The following ZNF592 variants were observed in gnomAD, a reference collection of about 807,000 sequenced individuals.
ZNF592 encodes spinocerebellar ataxia, autosomal recessive 5.
ZNF592 carries 11 observed loss-of-function variants against 80.3 expected under a neutral mutation model. The observed-to-expected ratio is 0.14, with a 90% confidence interval of 0.09 to 0.23. The LOEUF is 0.23. Among genes scored for constraint, ZNF592 ranks in the 10% least tolerant of loss-of-function variants. The probability of loss-of-function intolerance (pLI) is 1.00; values close to 1 mark genes in which losing one functional copy is unlikely to be tolerated. For synonymous variants in ZNF592, 646 were observed against 640.3 expected, an observed-to-expected ratio of 1.01 and a Z score of -0.13; for missense variants, 1,420 against 1,633.9, an observed-to-expected ratio of 0.87 and a Z score of 2.26.
At chr15:84,754,807 A>G (rs1899119198) in intron 1 of ZNF592, among the ~76,000 whole-genome samples, 2 of 152,064 alleles carry the variant, frequency 1.3e-5, no homozygotes, top group African/African-American at 4.8e-5. Context: ...GATAGATTGT[A>G]GAACGACTGC....
chr15:84,798,024 C>T lies in ZNF592; in HGVS notation c.2555C>T (p.Thr852Ile). Reference protein sequence around the residue: ...TADHSATQHPTQPHRPSQLIY... With the variant: ...TADHSATQHPIQPHRPSQLIY... The stretch of plus-strand genomic sequence containing the variant: ...GACCACAGTGCCACCCAGCACCCCA[C>T]CCAGCCCCACAGACCCTCCCAGTGA... The change falls in exon 6 of 11, where the codon ACC becomes ATC. Residue 852 changes from threonine (T) to isoleucine (I), a missense_variant. Thr to Ile is a moderately conservative substitution (Grantham distance 89). Around this residue, in one of 7 missense-constraint regions of ZNF592, gnomAD observed 331 missense variants for 347.0 expected, o/e 0.95. Coordinates refer to ENST00000560079, the MANE Select transcript of ZNF592 (RefSeq NM_014630.3). The surrounding 1 kb of genome is among the most constrained non-coding windows in gnomAD (Gnocchi z 4.5). 5 of 1,614,022 alleles carry T rather than the reference C, an allele frequency of 3.1e-6. No individual in the cohort carries two copies. The highest frequency in any genetic ancestry group is 4.2e-6 in the Non-Finnish European group (5 of 1,180,036).
At chr15:84,785,122 G>A (rs933777383) in intron 4 of ZNF592, among the ~76,000 whole-genome samples, 6 of 152,154 alleles carry the variant, frequency 3.9e-5, no homozygotes, top group Non-Finnish European at 7.3e-5. Context: ...GACGTGTCCC[G>A]TGTTCCACTC....
chr15:84,773,756 G>A (rs1962161562), intron 2 of ZNF592, among the ~76,000 whole-genome samples: 2 of 151,222 alleles, frequency 1.3e-5, no homozygotes, highest in South Asian at 4.2e-4. Context: ...AAAAAAAATA[G>A]AGCTCTAATT....
At position 84,783,007 on chromosome 15, in the gene ZNF592, A is replaced by G; in HGVS notation, c.332A>G (p.Asp111Gly). The change falls in exon 4 of 11, where the codon GAT (aspartate) becomes GGT (glycine). Residue 111 changes from aspartate (D) to glycine (G), a missense_variant. By Grantham distance (94) the Asp-to-Gly change is moderately conservative (BLOSUM62 -1). Coordinates refer to ENST00000560079, the MANE Select transcript of ZNF592 (RefSeq NM_014630.3). This position sits in a 1 kb window ranked among gnomAD's most constrained non-coding sequence, Gnocchi z 5.0. ...GATCCCCACAACTGTGGGAAATTTG[A>G]TTCTACTTTTATGAATGGAGACAGT... is the stretch of plus-strand genomic sequence containing the variant. The part of the protein sequence containing the change: ...PPDPHNCGKF[D>G]STFMNGDSAR... The G allele has an allele frequency of 6.2e-7, 1 of 1,614,062 alleles. No homozygotes were observed. The highest frequency in any genetic ancestry group is 8.5e-7 in the Non-Finnish European group (1 of 1,180,010).
At chr15:84,782,562 G>A (rs1962448513) in intron 3 of ZNF592, 95 bp from the exon 4 acceptor site, 2 of 1,163,626 alleles carry the variant, frequency 1.7e-6, no homozygotes, top group South Asian at 2.5e-5. Context: ...GCATGGGTGT[G>A]CTGGCTGTGT....
intron 3 of ZNF592, among the ~76,000 whole-genome samples, chr15:84,779,135 A>T (rs1962350701): frequency 6.6e-6 from 1 of 152,220 alleles, no homozygotes; most frequent in Admixed American, 6.5e-5. Flanking sequence ...AGGGCTTTTT[A>T]TGTTTTAATT....
At position 84,762,854 on chromosome 15, in the gene ZNF592, T is replaced by G. The variant is rs775468064; in HGVS notation, c.-258-1853T>G. ...TGCTTGTAGAGTAAGTGGTTTAAAT[T>G]TAATGGTTTTCTAGAATCTCTTTGG... On this transcript the variant is annotated intron_variant, in intron 1 of 10. Transcript: ENST00000560079. Among the ~76,000 whole-genome samples, 6 of 152,176 alleles carry G rather than the reference T, an allele frequency of 3.9e-5. No individual in the cohort carries two copies. In the East Asian group the frequency reaches 1.2e-3, roughly 29 times the overall value.
rs1379823172 is a variant in ZNF592, at chr15:84,796,240, ATAT to A, written c.2400-1628_2400-1626del. ...CTGTCTCAAAAAAAAAAAAAAAAAA[ATAT>A]ATATATATATATATATATATATTTT... On this transcript the variant is annotated intron_variant, in intron 5 of 10. Transcript: ENST00000560079. Among the ~76,000 whole-genome samples the A allele has an allele frequency of 5.7e-3, 223 of 39,376 alleles. 8 individuals are homozygous for A. The highest frequency in any genetic ancestry group is 0.053 in the East Asian group (53 of 1,000). The allele number at this position is 39,376 out of a possible 152,430, so 25.8% of individuals were successfully genotyped here.
At chr15:84,791,525 G>C (rs972611698) in intron 5 of ZNF592, among the ~76,000 whole-genome samples, 2 of 152,106 alleles carry the variant, frequency 1.3e-5, no homozygotes, top group Non-Finnish European at 2.9e-5. Context: ...TGATCTGTAA[G>C]TTGTTTTCTG....
intron 5 of ZNF592, among the ~76,000 whole-genome samples, chr15:84,796,341 AG>A (rs1286429030): frequency 6.8e-6 from 1 of 146,740 alleles, no homozygotes; most frequent in African/African-American, 2.5e-5. Context: ...TCTTAAATGA[AG>A]GCACGCCTTT....
At chr15:84,749,469 C>G (rs1191196943) in intron 1 of ZNF592, among the ~76,000 whole-genome samples, 1 of 152,176 alleles carries the variant, frequency 6.6e-6, no homozygotes, top group Non-Finnish European at 1.5e-5. Context: ...GGATTTTAAA[C>G]CATTTTTTGA....
At chr15:84,758,137 T>C (rs1899234714) in intron 1 of ZNF592, among the ~76,000 whole-genome samples, 1 of 149,974 alleles carries the variant, frequency 6.7e-6, no homozygotes, top group African/African-American at 2.5e-5. Context: ...CACACCCGGC[T>C]AATTTTTTAT....
rs1003922654 is a variant in ZNF592, at chr15:84,783,755, C to A, written c.1080C>A (p.Gly360=). ...TCTGCAGTGACAGCAGCAGCAAAGG[C>A]TCACCGTCTGTGGCTGCCAGCTCCC... The part of the protein sequence containing the change: ...RSICSDSSSK[G]SPSVAASSPP... The change falls in exon 4 of 11, where the codon GGC becomes GGA. Residue 360 remains glycine, a synonymous_variant. Transcript: ENST00000560079. The surrounding 1 kb of genome is among the most constrained non-coding windows in gnomAD (Gnocchi z 5.0). 6.2e-7 allele frequency: 1 copy of A among 1,614,108 alleles called. No individual in the cohort carries two copies. Among genetic ancestry groups the A allele is most frequent in the Non-Finnish European group, 8.5e-7 (1 of 1,180,044 alleles).
chr15:84,791,957 G>A (rs771417764), intron 5 of ZNF592, among the ~76,000 whole-genome samples: 8 of 152,222 alleles, frequency 5.3e-5, no homozygotes, highest in Non-Finnish European at 8.8e-5. Flanking sequence ...TTTCTTGGCA[G>A]ACATTTGGAC....
chr15:84,799,764 TC>T lies in ZNF592; in HGVS notation c.3138-76del. 1 of 1,603,628 alleles carries T rather than the reference TC, an allele frequency of 6.2e-7. No homozygotes were observed. Among genetic ancestry groups the T allele is most frequent in the Non-Finnish European group, 8.5e-7 (1 of 1,177,848 alleles). ...AGGAGTCTGCTCCAGACTCCCTCCT[TC>T]CTGGCCTTGGTGTGAATAGCACTGA... On this transcript the variant is annotated intron_variant, in intron 9 of 10. Transcript: ENST00000560079. This position sits in a 1 kb window ranked among gnomAD's most constrained non-coding sequence, Gnocchi z 4.2.
chr15:84,788,918 CCTT>C (rs934949215), intron 4 of ZNF592, among the ~76,000 whole-genome samples: 22 of 152,068 alleles, frequency 1.4e-4, no homozygotes, highest in African/African-American at 4.8e-4. Context: ...GTCAGAATCT[CCTT>C]CTTTTTTGGC....
In ZNF592 at chr15:84,802,810, C is replaced by T. The variant is rs1963140150; in HGVS notation, c.*417C>T. ...TATTTTCCTGCAGACACCAGCTCTC[C>T]TTCCTGCCTTTAGATCCTGAGAAGG... On this transcript the variant is annotated 3_prime_UTR_variant, in exon 11 of 11. Coordinates refer to ENST00000560079, the MANE Select transcript of ZNF592 (RefSeq NM_014630.3). 1 of 215,482 alleles carries T rather than the reference C, an allele frequency of 4.6e-6. No individual in the cohort carries two copies. The highest frequency in any genetic ancestry group is 9.6e-6 in the Non-Finnish European group (1 of 104,630). The allele number at this position is 215,482 out of a possible 1,614,324, so 13.3% of individuals were successfully genotyped here. A position where few individuals can be genotyped will look rare whatever the true frequency, so the allele number is the denominator to read the frequency against.
chr15:84,778,764 C>T (rs551690867), intron 3 of ZNF592, among the ~76,000 whole-genome samples: 20 of 152,240 alleles, frequency 1.3e-4, no homozygotes, highest in Non-Finnish European at 2.8e-4. Flanking sequence ...TGAAAAGGGG[C>T]GTCAAATGGA....
intron 3 of ZNF592, among the ~76,000 whole-genome samples, chr15:84,780,004 T>C (rs886755781): frequency 1.3e-5 from 2 of 150,504 alleles, no homozygotes; most frequent in African/African-American, 4.9e-5. Flanking sequence ...TTTTTTTTTT[T>C]GAGTTGGAGT....
Sources: allele counts gnomAD v4.1 joint callset (sites outside exome capture counted in the v4.1 genomes callset), GRCh38; gene constraint gnomAD v4.1.1; regional missense constraint gnomAD v4.1.1; non-coding constraint Gnocchi (gnomAD v3.1); transcripts MANE v1.5; gene names NCBI Gene and HGNC (gene_info 2026-07-23, HGNC 2026-07-21).